Variants in SLA observed in about 807,000 individuals in gnomAD.
SLA encodes the protein src-like-adapter.
A neutral mutation model predicts 30.3 loss-of-function variants in SLA; 16 were observed. The ratio of observed to expected loss-of-function variants is 0.53; its 90% CI spans 0.36 to 0.80. SLA has a LOEUF of 0.80. Among genes scored for constraint, SLA ranks in the 30% least tolerant of loss-of-function variants. The pLI is 0.01. For missense variants in SLA, 310 were observed against 345.2 expected (o/e 0.90, Z 0.81); for synonymous variants, 143 against 137.8 (o/e 1.04, Z -0.26).
At chr8:133,055,058 G>A (rs1018101180) in intron 3 of SLA, among the ~76,000 whole-genome samples, 1 of 152,148 alleles carries the variant, frequency 6.6e-6, no homozygotes, top group Non-Finnish European at 1.5e-5. Flanking sequence ...CTATCTAGGG[G>A]AAAGTGTGAA....
intron 2 of SLA, among the ~76,000 whole-genome samples, chr8:133,062,072 G>A (rs1040803907): frequency 6.6e-6 from 1 of 152,174 alleles, no homozygotes; most frequent in Non-Finnish European, 1.5e-5. Context: ...ACCACAGAAG[G>A]GTTGGCTAGA....
intron 7 of SLA, among the ~76,000 whole-genome samples, chr8:133,044,717 T>A (rs963675984): frequency 6.6e-5 from 10 of 152,306 alleles, no homozygotes; most frequent in Admixed American, 3.3e-4. Context: ...TGGTTGCAGT[T>A]GTGAATTTAG....
intron 7 of SLA, 192 bp from the exon 8 acceptor site, chr8:133,040,322 C>T (rs994860475): frequency 4.8e-5 from 30 of 620,258 alleles, no homozygotes; most frequent in Middle Eastern, 4.3e-4. Context: ...GAAATGTAAG[C>T]GTGCCCTGGT....
intron 1 of SLA, among the ~76,000 whole-genome samples, chr8:133,085,438 T>G (rs961509179): frequency 7.9e-5 from 12 of 151,946 alleles, no homozygotes; most frequent in African/African-American, 2.9e-4. Flanking sequence ...TGGGAGAAAA[T>G]ATTTGCAAAT....
At chr8:133,095,016 T>C (rs1385065067) in intron 1 of SLA, 1 of 1,612,538 alleles carries the variant, frequency 6.2e-7, no homozygotes. Flanking sequence ...ATCTGAACCA[T>C]CTGCCCTGAG....
At chr8:133,081,985 G>A (rs1051610806) in intron 1 of SLA, among the ~76,000 whole-genome samples, 26 of 152,212 alleles carry the variant, frequency 1.7e-4, no homozygotes, top group African/African-American at 6.3e-4. Context: ...AGCCAGGAAT[G>A]TTGAAACCTT....
intron 1 of SLA, among the ~76,000 whole-genome samples, chr8:133,101,155 C>A (rs372852540): frequency 2.6e-4 from 39 of 152,234 alleles, no homozygotes; most frequent in African/African-American, 8.7e-4. Flanking sequence ...GATGCGCTAT[C>A]ACCACCTTAC....
intron 7 of SLA, among the ~76,000 whole-genome samples, chr8:133,041,123 T>A (rs182668361): frequency 7.8e-4 from 119 of 152,304 alleles, no homozygotes; most frequent in Middle Eastern, 3.4e-3. Context: ...AAAACCCCAG[T>A]GCTTCTCCTG....
chr8:133,072,350 C>A (rs1320038363), intron 2 of SLA, among the ~76,000 whole-genome samples: 1 of 152,132 alleles, frequency 6.6e-6, no homozygotes, highest in Non-Finnish European at 1.5e-5. Flanking sequence ...TTATTTCCTT[C>A]GGAACTTGTA....
At chr8:133,060,414 G>A (rs1180637185) in intron 2 of SLA, 2 of 1,496,100 alleles carry the variant, frequency 1.3e-6, no homozygotes, top group African/African-American at 1.4e-5. Context: ...ACCACAGAGA[G>A]GGAAGTTGCT....
At chr8:133,091,359 A>T in intron 1 of SLA, among the ~76,000 whole-genome samples, 1 of 152,316 alleles carries the variant, frequency 6.6e-6, no homozygotes, top group Middle Eastern at 3.4e-3. Flanking sequence ...TGAGAAGTGC[A>T]AGGCGTGCCA....
chr8:133,057,052 G>A (rs890267903), intron 3 of SLA, among the ~76,000 whole-genome samples: 2 of 152,144 alleles, frequency 1.3e-5, no homozygotes, highest in African/African-American at 4.8e-5. Flanking sequence ...CTGGGTTTGA[G>A]AGGTCCCTAC....
rs1844656004 is a variant in SLA, at chr8:133,075,076, A to C, written c.-264T>G. The C allele has an allele frequency of 1.0e-6, 1 of 985,420 alleles. No individual in the cohort carries two copies. The highest frequency in any genetic ancestry group is 1.2e-6 in the Non-Finnish European group (1 of 829,918). The allele number at this position is 985,420 out of a possible 1,614,324, so 61.0% of individuals were successfully genotyped here. The stretch of plus-strand genomic sequence containing the variant: ...AACGAGGAAGGCACAGGGCTTGCAG[A>C]AGGGCAGGTTCCTGTTTTCAGTAAC... On this transcript the variant is annotated 5_prime_UTR_variant, in exon 2 of 9. Coordinates refer to ENST00000338087, the MANE Select transcript of SLA (RefSeq NM_001045556.3).
chr8:133,080,207 G>A (rs142106519), intron 1 of SLA, among the ~76,000 whole-genome samples: 7 of 152,310 alleles, frequency 4.6e-5, no homozygotes, highest in Middle Eastern at 3.4e-3. Flanking sequence ...TTTGGGGCTG[G>A]AAATACTTGT....
rs1314684273 is a variant in SLA at position 133,038,500 on chromosome 8, A to G, written c.*24T>C. The stretch of plus-strand genomic sequence containing the variant: ...GTTGGAACTTCTGTTCCTTTTGGGC[A>G]TGAACCATTGTGTCTGTTCTTGGCT... On this transcript the variant is annotated 3_prime_UTR_variant, in exon 9 of 9. Coordinates refer to ENST00000338087, the MANE Select transcript of SLA (RefSeq NM_001045556.3). The G allele has an allele frequency of 1.9e-6, 3 of 1,555,950 alleles. No homozygotes were observed. The highest frequency in any genetic ancestry group is 2.2e-5 in the East Asian group (1 of 44,630).
intron 8 of SLA, 50 bp from the exon 9 acceptor site, chr8:133,038,787 TAGAG>T: frequency 7.6e-7 from 1 of 1,318,174 alleles, no homozygotes; most frequent in South Asian, 1.2e-5. Context: ...AAGAGAGTCA[TAGAG>T]AGAGGAGGAG....
chr8:133,092,200 G>A (rs1847666132), intron 1 of SLA, among the ~76,000 whole-genome samples: 1 of 152,248 alleles, frequency 6.6e-6, no homozygotes, highest in Non-Finnish European at 1.5e-5. Flanking sequence ...GTCTCCATCT[G>A]TGGTTGTGTG....
intron 5 of SLA, 26 bp downstream of exon 5, chr8:133,049,876 T>C (rs1446943468): frequency 7.0e-7 from 1 of 1,430,680 alleles, no homozygotes; most frequent in South Asian, 1.1e-5. Flanking sequence ...CATGCTTAAT[T>C]GCTGCCATTT....
intron 7 of SLA, among the ~76,000 whole-genome samples, chr8:133,043,265 T>C (rs1416169171): frequency 6.6e-6 from 1 of 152,160 alleles, no homozygotes; most frequent in Non-Finnish European, 1.5e-5. Flanking sequence ...CATGGCCTCA[T>C]GGTCCCTAGA....
Sources: gnomAD v4.1 joint callset for allele counts (sites outside exome capture counted in the v4.1 genomes callset) on GRCh38, gnomAD v4.1.1 for gene constraint, MANE v1.5 for transcripts, NCBI Gene and HGNC (gene_info 2026-07-23, HGNC 2026-07-21) for gene names.